Variants in G2E3 observed in about 807,000 individuals in gnomAD.
The protein encoded by G2E3 is G2/M phase-specific E3 ubiquitin-protein ligase.
A neutral mutation model predicts 92.8 loss-of-function variants in G2E3; 35 were observed. The observed-to-expected ratio is 0.38, with a 90% CI of 0.29 to 0.50. The LOEUF is 0.50. Among genes scored for constraint, G2E3 ranks in the 20% least tolerant of loss-of-function variants. G2E3 has a pLI of 0.94. For synonymous variants in G2E3, 242 were observed against 272.4 expected (o/e 0.89, Z 1.10); for missense variants, 554 against 823.8 (o/e 0.67, Z 4.01).
intron 11 of G2E3, among the ~76,000 whole-genome samples, chr14:30,607,318 T>C (rs1447373638): frequency 1.3e-5 from 2 of 152,142 alleles, no homozygotes; most frequent in Non-Finnish European, 2.9e-5. Flanking sequence ...AATTTCATCA[T>C]GCAAAGATCA....
intron 8 of G2E3, among the ~76,000 whole-genome samples, chr14:30,599,444 G>T (rs1881455150): frequency 6.6e-6 from 1 of 152,066 alleles, no homozygotes. Context: ...GGTCAGCCTG[G>T]TCTCAAATGC....
intron 2 of G2E3, among the ~76,000 whole-genome samples, chr14:30,582,896 C>G (rs996393580): frequency 6.6e-6 from 1 of 152,204 alleles, no homozygotes; most frequent in Non-Finnish European, 1.5e-5. Context: ...GTTCTAGAAT[C>G]TATTTGGTGA....
chr14:30,592,463 G>T lies in G2E3; in HGVS notation c.362+16G>T. The T allele has an allele frequency of 6.5e-7, 1 of 1,543,760 alleles. No homozygotes were observed. The highest frequency in any genetic ancestry group is 1.7e-4 in the Middle Eastern group (1 of 5,754). ...GCAATTTTGCGTGAGTTATTTAACT[G>T]TTAAATATGAAAGTTCAGTGTTAAA... is the stretch of plus-strand genomic sequence containing the variant. On this transcript the variant is annotated intron_variant, in intron 5 of 14. Transcript: ENST00000206595.
chr14:30,572,069 T>C (rs187652825), intron 1 of G2E3, among the ~76,000 whole-genome samples: 5 of 152,188 alleles, frequency 3.3e-5, no homozygotes, highest in Admixed American at 2.0e-4. Flanking sequence ...CTCTCAGCAG[T>C]GTTTTGTAGC....
At position 30,617,100 on chromosome 14, in the gene G2E3, A is replaced by G. The variant is rs2138927037; in HGVS notation, c.*566A>G. The G allele has an allele frequency of 6.6e-6, 1 of 152,228 alleles. No homozygotes were observed. Among genetic ancestry groups the G allele is most frequent in the East Asian group, 1.9e-4 (1 of 5,202 alleles). 9.4% of individuals were successfully genotyped at this position (152,228 alleles called of 1,614,324 possible). A position where few individuals can be genotyped will look rare whatever the true frequency, so the allele number is the denominator to read the frequency against. On this transcript the variant is annotated 3_prime_UTR_variant, in exon 15 of 15. Coordinates refer to ENST00000206595, the MANE Select transcript of G2E3 (RefSeq NM_017769.5). ...TAGATTACTGATTTATATTAAGATG[A>G]CCCACACTGCAATTAGATTATGCCT...
chr14:30,566,276 C>CA (rs906978360), intron 1 of G2E3, among the ~76,000 whole-genome samples: 1 of 151,798 alleles, frequency 6.6e-6, no homozygotes, highest in Non-Finnish European at 1.5e-5. Context: ...TCCATTCCTG[C>CA]AAAAAAAGGC....
Position 30,581,086 on chromosome 14 carries a change from GA to G in G2E3, c.10del (p.Ser4ValfsTer43). 2 of 1,476,268 alleles carry G rather than the reference GA, an allele frequency of 1.4e-6. No individual in the cohort carries two copies. The highest frequency in any genetic ancestry group is 1.9e-6 in the Non-Finnish European group (2 of 1,057,128). The allele number at this position is 1,476,268 out of a possible 1,614,324, so 91.4% of individuals were successfully genotyped here. ...TGTTATTTTTCCTAGTAAAATGAAT[GA>G]AAGTAAACCTGGTGACTCACAGAAC... is the stretch of plus-strand genomic sequence containing the variant. MN[E>X]SKPGDSQNLA... On this transcript the variant is annotated frameshift_variant, in exon 2 of 15. Coordinates refer to ENST00000206595, the MANE Select transcript of G2E3 (RefSeq NM_017769.5). LOFTEE classifies it high-confidence loss of function.
chr14:30,611,029 G>A (rs1053218007), intron 12 of G2E3, among the ~76,000 whole-genome samples: 2 of 152,240 alleles, frequency 1.3e-5, no homozygotes, highest in South Asian at 2.1e-4. Flanking sequence ...TTACAAAACC[G>A]TCTAAGGACT....
chr14:30,563,690 T>G (rs1879253264), intron 1 of G2E3, among the ~76,000 whole-genome samples: 1 of 138,562 alleles, frequency 7.2e-6, no homozygotes, highest in African/African-American at 2.8e-5. Context: ...GTAACTTTGT[T>G]ACTTTTGTGT....
At chr14:30,574,939 C>T (rs544544188) in intron 1 of G2E3, among the ~76,000 whole-genome samples, 1 of 152,118 alleles carries the variant, frequency 6.6e-6, no homozygotes, top group Non-Finnish European at 1.5e-5. Flanking sequence ...GGCTATATAC[C>T]CAGTAATGAG....
chr14:30,562,646 C>A (rs1879176770), intron 1 of G2E3, among the ~76,000 whole-genome samples: 1 of 152,104 alleles, frequency 6.6e-6, no homozygotes, highest in Admixed American at 6.5e-5. Context: ...TCCTCCACCT[C>A]TTGTGGAGGG....
intron 12 of G2E3, among the ~76,000 whole-genome samples, chr14:30,609,893 C>A (rs985283303): frequency 6.6e-6 from 1 of 152,090 alleles, no homozygotes; most frequent in African/African-American, 2.4e-5. Context: ...TCAACCTTTC[C>A]TTCCTGTTTC....
intron 1 of G2E3, among the ~76,000 whole-genome samples, chr14:30,562,740 C>T (rs951967892): frequency 2.6e-5 from 4 of 152,286 alleles, no homozygotes; most frequent in Admixed American, 2.0e-4. Flanking sequence ...TCACACTCCT[C>T]GTCTGCCTTC....
chr14:30,598,104 G>C (rs1033640406), intron 7 of G2E3: 14 of 178,286 alleles, frequency 7.9e-5, no homozygotes, highest in African/African-American at 3.3e-4. Context: ...TTTTAGGCCA[G>C]GCATGGTGGC....
At chr14:30,589,331 A>G (rs1880883081) in intron 3 of G2E3, 52 bp from the exon 4 acceptor site, 2 of 1,008,058 alleles carry the variant, frequency 2.0e-6, no homozygotes, top group Non-Finnish European at 3.1e-6. Context: ...TATTTTTTTA[A>G]TGCCCAACTA....
At chr14:30,588,048 G>T (rs899738121) in intron 3 of G2E3, among the ~76,000 whole-genome samples, 1 of 152,104 alleles carries the variant, frequency 6.6e-6, no homozygotes, top group Non-Finnish European at 1.5e-5. Flanking sequence ...CTACAGTCTT[G>T]TGCCTCCGTA....
rs1408129018 is a variant in G2E3 at position 30,581,152 on chromosome 14, G to C, written c.37+36G>C. On this transcript the variant is annotated intron_variant, in intron 2 of 14. Transcript: ENST00000206595. ...GTATTTAAAATAATTTTATTACAAT[G>C]AGTGTTTTAAATATGTTACTTAAAC... 6.0e-6 allele frequency: 7 copies of C among 1,158,960 alleles called. No individual in the cohort carries two copies. In the Admixed American group the frequency reaches 6.9e-5, roughly 11 times the overall value. 71.8% of individuals were successfully genotyped at this position (1,158,960 alleles called of 1,614,324 possible).
intron 1 of G2E3, chr14:30,559,548 A>G (rs1438822922): frequency 6.6e-6 from 1 of 152,138 alleles, no homozygotes; most frequent in Non-Finnish European, 1.5e-5. Flanking sequence ...CCTTGTTTAT[A>G]CGCATCCTCC....
chr14:30,565,650 C>CTTTTTT lies in G2E3; in HGVS notation c.-5+6402_-5+6407dup, dbSNP rs537643569. 3.9e-4 allele frequency among the ~76,000 whole-genome samples: 24 copies of CTTTTTT among 62,256 alleles called. 5 individuals carry two copies. The highest frequency in any genetic ancestry group is 4.8e-4 in the Non-Finnish European group (17 of 35,620). 40.8% of individuals were successfully genotyped at this position (62,256 alleles called of 152,430 possible). ...GTGAGGTAGGGGTTCAACTTCATTC[C>CTTTTTT]TTTTTTTTTTTTTTTTTTTTTTTTT... On this transcript the variant is annotated intron_variant, in intron 1 of 14. Transcript: ENST00000206595.
Sources: gnomAD v4.1 joint callset for allele counts (sites outside exome capture counted in the v4.1 genomes callset) on GRCh38, gnomAD v4.1.1 for gene constraint, MANE v1.5 for transcripts, NCBI Gene and HGNC (gene_info 2026-07-23, HGNC 2026-07-21) for gene names.